Variants in HPSE2 observed in about 807,000 individuals in gnomAD.
HPSE2 encodes the protein heparanase 2 (inactive), also known as inactive heparanase-2.
A neutral mutation model predicts 60.5 loss-of-function variants in HPSE2; 38 were observed. The ratio of observed to expected loss-of-function variants is 0.63; its 90% CI spans 0.48 to 0.82. HPSE2 has a LOEUF of 0.82. Among genes scored for constraint, HPSE2 ranks in the 40% least tolerant of loss-of-function variants. The pLI is 0.00. For missense variants in HPSE2, 713 were observed against 740.4 expected (o/e 0.96, Z 0.43); for synonymous variants, 295 against 293.2 (o/e 1.01, Z -0.06).
intron 3 of HPSE2, among the ~76,000 whole-genome samples, chr10:98,766,202 G>A (rs1277292364): frequency 6.6e-6 from 1 of 152,032 alleles, no homozygotes; most frequent in Non-Finnish European, 1.5e-5. Flanking sequence ...TGCCTTGAGA[G>A]ACACAAACTA....
the HPSE2 span, among the ~76,000 whole-genome samples, chr10:99,260,486 C>T: frequency 6.6e-6 from 1 of 152,178 alleles, no homozygotes; most frequent in Non-Finnish European, 1.5e-5. Context: ...GCAGTCTTTT[C>T]ACTCTTCTCC....
chr10:99,256,688 A>G, the HPSE2 span, among the ~76,000 whole-genome samples: 2 of 152,178 alleles, frequency 1.3e-5, no homozygotes, highest in Non-Finnish European at 2.9e-5. Context: ...CTCAAACAAC[A>G]TGAATGTCTT....
chr10:98,762,473 C>G (rs773681048), intron 3 of HPSE2, among the ~76,000 whole-genome samples: 5 of 152,084 alleles, frequency 3.3e-5, no homozygotes, highest in Non-Finnish European at 7.3e-5. Context: ...GGATATGAAA[C>G]AGCAGAAGTA....
At chr10:99,074,205 C>T (rs898159199) in intron 3 of HPSE2, among the ~76,000 whole-genome samples, 3 of 151,902 alleles carry the variant, frequency 2.0e-5, no homozygotes, top group Admixed American at 2.0e-4. Flanking sequence ...TCATATATGG[C>T]CATTATGTTG....
intron 11 of HPSE2, chr10:98,461,640 C>T: frequency 4.5e-6 from 3 of 672,696 alleles, no homozygotes; most frequent in Non-Finnish European, 7.6e-6. Context: ...CACAGTCAAA[C>T]ACGAGTTCAA....
chr10:98,461,671 A>G, intron 11 of HPSE2: 1 of 885,586 alleles, frequency 1.1e-6, no homozygotes. Flanking sequence ...TAATCTTTCT[A>G]AGGCATACTC....
chr10:99,259,334 G>A, the HPSE2 span, among the ~76,000 whole-genome samples: 7 of 147,942 alleles, frequency 4.7e-5, no homozygotes, highest in East Asian at 1.2e-3. Flanking sequence ...GACACTGTTA[G>A]GAGGCTGAAA....
At chr10:99,109,492 A>G (rs1476249952) in intron 3 of HPSE2, among the ~76,000 whole-genome samples, 1 of 152,182 alleles carries the variant, frequency 6.6e-6, no homozygotes, top group South Asian at 2.1e-4. Flanking sequence ...AGGGTGGAAT[A>G]GATTATTTCG....
intron 3 of HPSE2, among the ~76,000 whole-genome samples, chr10:98,772,405 G>C (rs1012639857): frequency 1.3e-5 from 2 of 152,210 alleles, no homozygotes; most frequent in African/African-American, 4.8e-5. Context: ...GAGCCAATTT[G>C]CAGATCCAGA....
intron 3 of HPSE2, among the ~76,000 whole-genome samples, chr10:99,119,075 GAA>G: frequency 9.4e-6 from 1 of 106,292 alleles, no homozygotes; most frequent in African/African-American, 3.5e-5. Context: ...GAGAAAGAAA[GAA>G]AGAGAAAGAA....
At chr10:99,281,999 C>T in the HPSE2 span, among the ~76,000 whole-genome samples, 1 of 152,058 alleles carries the variant, frequency 6.6e-6, no homozygotes, top group Non-Finnish European at 1.5e-5. Context: ...GTGGCTCATG[C>T]CTGTAATCCC....
chr10:98,531,641 T>C (rs1943135120), intron 9 of HPSE2, among the ~76,000 whole-genome samples: 1 of 152,220 alleles, frequency 6.6e-6, no homozygotes, highest in African/African-American at 2.4e-5. Context: ...ACAAGCTCAA[T>C]CTTACATTTC....
At chr10:98,580,911 A>T (rs1944780372) in intron 9 of HPSE2, among the ~76,000 whole-genome samples, 1 of 148,344 alleles carries the variant, frequency 6.7e-6, no homozygotes, top group Non-Finnish European at 1.5e-5. Flanking sequence ...TTTATGTGGC[A>T]TTATTAAAAT....
intron 2 of HPSE2, among the ~76,000 whole-genome samples, chr10:99,180,161 G>A (rs1175495505): frequency 6.6e-6 from 1 of 152,104 alleles, no homozygotes; most frequent in African/African-American, 2.4e-5. Flanking sequence ...AAAAACCCTA[G>A]AAGAAAACCT....
chr10:98,490,673 AG>A (rs1219931626), intron 9 of HPSE2, among the ~76,000 whole-genome samples: 1 of 152,190 alleles, frequency 6.6e-6, no homozygotes, highest in East Asian at 1.9e-4. Context: ...GAAGACTACT[AG>A]TGCAGTGGGA....
At chr10:99,060,286 A>G (rs975138776) in intron 3 of HPSE2, among the ~76,000 whole-genome samples, 12 of 152,116 alleles carry the variant, frequency 7.9e-5, no homozygotes, top group African/African-American at 2.4e-4. Context: ...AAGATGGCCA[A>G]ATAGAATCTT....
intron 3 of HPSE2, among the ~76,000 whole-genome samples, chr10:99,131,139 C>T (rs904869426): frequency 2.0e-5 from 3 of 152,192 alleles, no homozygotes; most frequent in Non-Finnish European, 2.9e-5. Context: ...AATCCAGCAT[C>T]CCTTTATGAT....
intron 3 of HPSE2, among the ~76,000 whole-genome samples, chr10:98,806,189 A>G (rs1289176144): frequency 2.0e-5 from 3 of 152,216 alleles, no homozygotes; most frequent in East Asian, 3.8e-4. Flanking sequence ...CCAGAACTCT[A>G]TTAGCACCTG....
Position 99,184,522 on chromosome 10 carries a change from C to CAA in HPSE2, c.449-40125_449-40124dup, listed in dbSNP as rs200059066. The stretch of plus-strand genomic sequence containing the variant: ...CCTGGGCAACAGAGCGAGACTGTCT[C>CAA]AAAAAAAAAAAAAAAAAAAAAAAAA... On this transcript the variant is annotated intron_variant, in intron 2 of 11. Transcript: ENST00000370552. Among the ~76,000 whole-genome samples, 60 of 60,766 alleles carry CAA rather than the reference C, an allele frequency of 9.9e-4. 5 individuals carry two copies. Among genetic ancestry groups the CAA allele is most frequent in the Non-Finnish European group, 1.3e-3 (50 of 38,184 alleles). 39.9% of individuals were successfully genotyped at this position (60,766 alleles called of 152,430 possible).
Sources: allele counts gnomAD v4.1 joint callset (sites outside exome capture counted in the v4.1 genomes callset), GRCh38; gene constraint gnomAD v4.1.1; transcripts MANE v1.5; gene names NCBI Gene and HGNC (gene_info 2026-07-23, HGNC 2026-07-21).